Variants in NPEPL1 observed in about 807,000 individuals in gnomAD.
The protein encoded by NPEPL1 is probable aminopeptidase NPEPL1.
Under a neutral mutation model 52.4 loss-of-function variants are expected in NPEPL1, and 45 were observed. The observed-to-expected ratio is 0.86, with a 90% CI of 0.68 to 1.10. The LOEUF (loss-of-function observed/expected upper bound fraction) is 1.10, where lower values mean the gene tolerates loss of function less well. Ranked by LOEUF, NPEPL1 falls within the 50% of genes least tolerant of loss-of-function variation. NPEPL1 has a pLI of 0.00. For missense variants in NPEPL1, 696 were observed against 710.9 expected (o/e 0.98, Z 0.24); for synonymous variants, 360 against 314.7 (o/e 1.14, Z -1.52).
At chr20:58,703,473 G>A (rs745268) in intron 6 of NPEPL1, 110,750 of 975,748 alleles carry the variant, frequency 0.11, 6,450 homozygotes, top group African/African-American at 0.16. Flanking sequence ...ACCCTCGCAC[G>A]CACCCTCAAT....
In NPEPL1 at chr20:58,709,293, G is replaced by C. The variant is rs570150232; in HGVS notation, c.900+2093G>C. On this transcript the variant is annotated intron_variant, in intron 7 of 11. Transcript: ENST00000356091. The stretch of plus-strand genomic sequence containing the variant: ...TTGTTGGCCTCTTAGAAAGGAATAC[G>C]CCTCTGTCTGAGCCACAGAATCAAT... Among the ~76,000 whole-genome samples, 5 of 152,126 alleles carry C rather than the reference G, an allele frequency of 3.3e-5. 1 individual carries two copies. In the South Asian group the frequency reaches 1.0e-3, roughly 32 times the overall value.
upstream of NPEPL1, chr20:58,691,220 T>C (rs1601084094): frequency 1.4e-6 from 1 of 702,646 alleles, no homozygotes; most frequent in South Asian, 1.5e-5. Context: ...GAGATCTTCA[T>C]ACACACTGTT....
At chr20:58,707,030 C>A in intron 6 of NPEPL1, 93 bp from the exon 7 acceptor site, 1 of 1,261,006 alleles carries the variant, frequency 7.9e-7, no homozygotes, top group Non-Finnish European at 1.1e-6. Flanking sequence ...GAAGGTGGGG[C>A]TAGCGTGGGG....
rs779511072 is a variant in NPEPL1, at chr20:58,715,169, G to A, written c.1415G>A (p.Gly472Asp). 6.2e-7 allele frequency: 1 copy of A among 1,600,822 alleles called. No homozygotes were observed. Among genetic ancestry groups the A allele is most frequent in the Non-Finnish European group, 8.5e-7 (1 of 1,176,356 alleles). ...HLDIAAPVHAGERATGFGVAL... is the reference protein window; with the variant it reads ...HLDIAAPVHADERATGFGVAL... The stretch of plus-strand genomic sequence containing the variant: ...CTGTGTCCTGCCCTTTGCTTGCAGG[G>A]TGAGCGAGCCACAGGCTTCGGTGTG... Residue 472 changes from glycine (G) to aspartate (D), a missense_variant and splice_region_variant, in exon 12 of 12, where the codon GGT (glycine) becomes GAT (aspartate). Coordinates refer to ENST00000356091, the MANE Select transcript of NPEPL1 (RefSeq NM_024663.4).
At chr20:58,706,357 C>T (rs528320360) in intron 6 of NPEPL1, among the ~76,000 whole-genome samples, 5 of 152,190 alleles carry the variant, frequency 3.3e-5, no homozygotes, top group East Asian at 1.9e-4. Flanking sequence ...CTGATTTTGG[C>T]GAAGAGTTCA....
Position 58,713,078 on chromosome 20 carries a change from C to T in NPEPL1, c.1002-342C>T. On this transcript the variant is annotated intron_variant, in intron 8 of 11. Coordinates refer to ENST00000356091, the MANE Select transcript of NPEPL1 (RefSeq NM_024663.4). This position sits in a 1 kb window ranked among gnomAD's most constrained non-coding sequence, Gnocchi z 4.6. The stretch of plus-strand genomic sequence containing the variant: ...CCTCCCCGCATCTCCTGCTCTTCCT[C>T]CCCATCTGCCGGGTGCCAGGCACAG... The T allele has an allele frequency of 2.8e-6, 1 of 361,618 alleles. No individual in the cohort carries two copies. Among genetic ancestry groups the T allele is most frequent in the Non-Finnish European group, 5.3e-6 (1 of 190,236 alleles). The allele number at this position is 361,618 out of a possible 1,614,324, so 22.4% of individuals were successfully genotyped here. A position where few individuals can be genotyped will look rare whatever the true frequency, so the allele number is the denominator to read the frequency against.
chr20:58,701,745 C>G (rs2084628234), intron 6 of NPEPL1, among the ~76,000 whole-genome samples: 1 of 152,080 alleles, frequency 6.6e-6, no homozygotes, highest in Non-Finnish European at 1.5e-5. Context: ...TCAGAGTGGC[C>G]ACACAAGACC....
intron 11 of NPEPL1, 164 bp downstream of exon 11, chr20:58,714,834 A>T: frequency 1.6e-6 from 1 of 640,816 alleles, no homozygotes; most frequent in Non-Finnish European, 2.7e-6. Flanking sequence ...CCTCCCTGGG[A>T]ACAGAGTGGC....
At chr20:58,710,452 G>A (rs1233124948) in intron 7 of NPEPL1, among the ~76,000 whole-genome samples, 2 of 152,052 alleles carry the variant, frequency 1.3e-5, no homozygotes, top group African/African-American at 4.8e-5. Context: ...CAGGAGCTCG[G>A]TGGCCCTGGG....
chr20:58,698,184 T>A (rs971160621), intron 3 of NPEPL1, among the ~76,000 whole-genome samples: 1 of 151,498 alleles, frequency 6.6e-6, no homozygotes, highest in African/African-American at 2.4e-5. Context: ...TGCTTCTGCT[T>A]GGTGGGGAGG....
chr20:58,693,859 C>T lies in NPEPL1; in HGVS notation c.273C>T (p.Ala91=), dbSNP rs761653527. 2.6e-5 allele frequency: 42 copies of T among 1,613,452 alleles called. No homozygotes were observed. In the Middle Eastern group the frequency reaches 4.9e-4, roughly 19 times the overall value. The part of the protein sequence containing the change: ...CRVSRHNSPS[A]AHFITRLVRT... Reference sequence around the variant, plus strand: ...TGAGCCGGCACAACAGCCCCTCGGCCGCCCACTTCATCACGCGGCTGGTGC... The same window carrying T: ...TGAGCCGGCACAACAGCCCCTCGGCTGCCCACTTCATCACGCGGCTGGTGC... Residue 91 remains alanine (A), a synonymous_variant, in exon 2 of 12, where the codon GCC becomes GCT. Coordinates refer to ENST00000356091, the MANE Select transcript of NPEPL1 (RefSeq NM_024663.4).
At chr20:58,693,515 T>G (rs2084398146) in intron 1 of NPEPL1, 1 of 479,108 alleles carries the variant, frequency 2.1e-6, no homozygotes, top group Non-Finnish European at 3.7e-6. Context: ...CCTTCCAGGC[T>G]TGGTGGCTTC....
chr20:58,710,513 CT>C (rs1329236581), intron 7 of NPEPL1, among the ~76,000 whole-genome samples: 1 of 152,102 alleles, frequency 6.6e-6, no homozygotes, highest in Non-Finnish European at 1.5e-5. Context: ...AAAAAAGCCC[CT>C]GACCCACTTA....
At chr20:58,696,910 C>T (rs138155734) in intron 3 of NPEPL1, among the ~76,000 whole-genome samples, 32 of 152,348 alleles carry the variant, frequency 2.1e-4, no homozygotes, top group African/African-American at 7.5e-4. Context: ...TGTTAAGCTG[C>T]AGCTGCCACC....
At chr20:58,707,850 G>A (rs2084767354) in intron 7 of NPEPL1, among the ~76,000 whole-genome samples, 1 of 152,210 alleles carries the variant, frequency 6.6e-6, no homozygotes, top group South Asian at 2.1e-4. Context: ...GGCGGAGGCA[G>A]GAGGATGGCT....
At chr20:58,696,935 G>C (rs1179053543) in intron 3 of NPEPL1, among the ~76,000 whole-genome samples, 3 of 152,196 alleles carry the variant, frequency 2.0e-5, no homozygotes, top group African/African-American at 7.2e-5. Flanking sequence ...AGCCCTCTTG[G>C]GTCCTGAGCA....
chr20:58,702,250 C>T (rs1217509945), intron 6 of NPEPL1, among the ~76,000 whole-genome samples: 6 of 152,270 alleles, frequency 3.9e-5, no homozygotes, highest in African/African-American at 1.4e-4. Flanking sequence ...TGCTGGCGTT[C>T]TGTTCCCGCC....
chr20:58,696,409 C>A (rs768548198), intron 3 of NPEPL1, among the ~76,000 whole-genome samples: 1 of 152,266 alleles, frequency 6.6e-6, no homozygotes, highest in Non-Finnish European at 1.5e-5. Context: ...ATCTCCTGTG[C>A]TCCTCACTGG....
At position 58,713,781 on chromosome 20, in the gene NPEPL1, G is replaced by C; in HGVS notation, c.1126-136G>C. On this transcript the variant is annotated intron_variant, in intron 9 of 11. Coordinates refer to ENST00000356091, the MANE Select transcript of NPEPL1 (RefSeq NM_024663.4). The surrounding 1 kb of genome is among the most constrained non-coding windows in gnomAD (Gnocchi z 4.6). Reference sequence around the variant, plus strand: ...TTCATGGCCATGGTCCTTTCTGCCTGTGTTTTTTCTTTTTTTCTCAACCGT... The same window carrying C: ...TTCATGGCCATGGTCCTTTCTGCCTCTGTTTTTTCTTTTTTTCTCAACCGT... 1 of 1,136,364 alleles carries C rather than the reference G, an allele frequency of 8.8e-7. No homozygotes were observed. Among genetic ancestry groups the C allele is most frequent in the Non-Finnish European group, 1.2e-6 (1 of 847,216 alleles). 70.4% of individuals were successfully genotyped at this position (1,136,364 alleles called of 1,614,324 possible).
Sources: gnomAD v4.1 joint callset for allele counts (sites outside exome capture counted in the v4.1 genomes callset) on GRCh38, gnomAD v4.1.1 for gene constraint, Gnocchi (gnomAD v3.1) non-coding constraint, MANE v1.5 for transcripts, NCBI Gene and HGNC (gene_info 2026-07-23, HGNC 2026-07-21) for gene names.